Variants in RYR3 observed in about 807,000 individuals in gnomAD.
The protein encoded by RYR3 is brain ryanodine receptor-calcium release channel.
RYR3 carries 207 observed loss-of-function variants against 584.3 expected under a neutral mutation model. The observed-to-expected ratio is 0.35, with a 90% CI of 0.32 to 0.40. RYR3 has a LOEUF of 0.40. Ranked by LOEUF, RYR3 falls within the 10% of genes least tolerant of loss-of-function variation. RYR3 has a pLI of 1.00. For missense variants in RYR3, 5,616 were observed against 6,089.2 expected (o/e 0.92, Z 2.59); for synonymous variants, 2,416 against 2,248.5 (o/e 1.07, Z -2.11).
At chr15:33,679,576 C>G (rs532494838) in intron 38 of RYR3, among the ~76,000 whole-genome samples, 3 of 152,200 alleles carry the variant, frequency 2.0e-5, no homozygotes, top group Admixed American at 6.5e-5. Context: ...AGAAATAGAA[C>G]CATGGAATAT....
chr15:33,418,556 A>G (rs1159799246), intron 1 of RYR3, among the ~76,000 whole-genome samples: 2 of 152,070 alleles, frequency 1.3e-5, no homozygotes, highest in Non-Finnish European at 2.9e-5. Flanking sequence ...AAGAGGAGGA[A>G]AGATGACCCT....
chr15:33,612,870 C>T (rs767436179), intron 18 of RYR3, among the ~76,000 whole-genome samples: 30 of 152,180 alleles, frequency 2.0e-4, no homozygotes, highest in Non-Finnish European at 4.0e-4. Context: ...GACACCAGGC[C>T]ACAGTCTGAA....
chr15:33,495,199 C>T (rs1359391400), intron 2 of RYR3, among the ~76,000 whole-genome samples: 1 of 152,172 alleles, frequency 6.6e-6, no homozygotes, highest in African/African-American at 2.4e-5. Flanking sequence ...TTCTGAGGTA[C>T]ACTCAATAAC....
At chr15:33,660,121 A>G in intron 33 of RYR3, 76 bp from the exon 34 acceptor site, 1 of 955,086 alleles carries the variant, frequency 1.0e-6, no homozygotes, top group South Asian at 1.5e-5. Flanking sequence ...TATACTGGCC[A>G]TATCGGTTAA....
At chr15:33,625,648 A>C (rs777615527) in intron 20 of RYR3, among the ~76,000 whole-genome samples, 9 of 152,196 alleles carry the variant, frequency 5.9e-5, no homozygotes, top group African/African-American at 9.6e-5. Context: ...AGGAAGTTAG[A>C]ATTTGGAGCT....
intron 1 of RYR3, among the ~76,000 whole-genome samples, chr15:33,463,390 G>T (rs760659366): frequency 6.6e-6 from 1 of 152,096 alleles, no homozygotes; most frequent in Non-Finnish European, 1.5e-5. Flanking sequence ...TCACTCACCT[G>T]CTGTGTTCTG....
chr15:33,572,214 A>G (rs1206862571), intron 12 of RYR3, among the ~76,000 whole-genome samples: 1 of 152,154 alleles, frequency 6.6e-6, no homozygotes, highest in Non-Finnish European at 1.5e-5. Flanking sequence ...AGAAAGATAC[A>G]TGTTTTTATA....
At chr15:33,480,130 C>G (rs1052545506) in intron 2 of RYR3, among the ~76,000 whole-genome samples, 1 of 152,202 alleles carries the variant, frequency 6.6e-6, no homozygotes, top group African/African-American at 2.4e-5. Context: ...GACTTTTCTT[C>G]TGCCTTTCCA....
At chr15:33,843,760 G>A (rs2078531482) in intron 92 of RYR3, among the ~76,000 whole-genome samples, 186 bp downstream of exon 92, 1 of 152,230 alleles carries the variant, frequency 6.6e-6, no homozygotes. Context: ...ACTGACAAGA[G>A]AGCCAGTGAG....
chr15:33,778,849 C>T (rs1047920218), intron 64 of RYR3, among the ~76,000 whole-genome samples: 1 of 152,206 alleles, frequency 6.6e-6, no homozygotes, highest in Non-Finnish European at 1.5e-5. Context: ...GAGGACCTGT[C>T]AATCCAGTGT....
At chr15:33,698,783 G>A (rs572520546) in intron 40 of RYR3, among the ~76,000 whole-genome samples, 3 of 152,078 alleles carry the variant, frequency 2.0e-5, no homozygotes, top group Non-Finnish European at 4.4e-5. Flanking sequence ...CTGAGCACAT[G>A]TCTGGATGCC....
At chr15:33,607,115 A>G (rs998169656) in intron 18 of RYR3, among the ~76,000 whole-genome samples, 3 of 152,156 alleles carry the variant, frequency 2.0e-5, no homozygotes, top group South Asian at 2.1e-4. Context: ...GCAGAAGAGC[A>G]GCGCTTTTCT....
At chr15:33,464,303 C>T (rs2142104183) in intron 1 of RYR3, among the ~76,000 whole-genome samples, 1 of 151,412 alleles carries the variant, frequency 6.6e-6, no homozygotes, top group Admixed American at 6.6e-5. Flanking sequence ...AGGGAGCCCT[C>T]CAGGTATGTG....
At chr15:33,543,190 C>G (rs2055960670) in intron 7 of RYR3, among the ~76,000 whole-genome samples, 2 of 152,050 alleles carry the variant, frequency 1.3e-5, no homozygotes, top group African/African-American at 4.8e-5. Flanking sequence ...TTCTCAGCAC[C>G]TTTCTTTCCC....
intron 38 of RYR3, among the ~76,000 whole-genome samples, chr15:33,693,295 A>G (rs1263323386): frequency 6.6e-6 from 1 of 152,170 alleles, no homozygotes; most frequent in Non-Finnish European, 1.5e-5. Context: ...CCATGCTACC[A>G]TGCCTGCGCC....
chr15:33,588,097 T>C (rs1001834243), intron 16 of RYR3, among the ~76,000 whole-genome samples: 1 of 152,228 alleles, frequency 6.6e-6, no homozygotes, highest in African/African-American at 2.4e-5. Flanking sequence ...AACCAGCATT[T>C]ATTTTGCACT....
intron 87 of RYR3, among the ~76,000 whole-genome samples, chr15:33,835,517 C>T (rs2077985036): frequency 1.3e-5 from 2 of 152,152 alleles, no homozygotes; most frequent in Admixed American, 1.3e-4. Context: ...TCTCACTCCC[C>T]ATCTCTCTGG....
At chr15:33,749,893 G>C in intron 55 of RYR3, 86 bp from the exon 56 acceptor site, 1 of 1,162,272 alleles carries the variant, frequency 8.6e-7, no homozygotes, top group Non-Finnish European at 1.3e-6. Flanking sequence ...TGCTTTTCCC[G>C]AGGCTGCCTG....
chr15:33,501,771 T>C (rs964338775), intron 2 of RYR3, among the ~76,000 whole-genome samples: 1 of 152,216 alleles, frequency 6.6e-6, no homozygotes, highest in Non-Finnish European at 1.5e-5. Flanking sequence ...CTATTTGTAA[T>C]AATGCTGTAT....
Sources: gnomAD v4.1 joint callset for allele counts (sites outside exome capture counted in the v4.1 genomes callset) on GRCh38, gnomAD v4.1.1 for gene constraint, MANE v1.5 for transcripts, NCBI Gene and HGNC (gene_info 2026-07-23, HGNC 2026-07-21) for gene names.